The following NIBAN1 variants were observed in gnomAD, a reference collection of about 807,000 sequenced individuals.
NIBAN1 encodes niban apoptosis regulator 1, also known as protein Niban 1.
Under a neutral mutation model 75.1 loss-of-function variants are expected in NIBAN1, and 81 were observed. That is an observed-to-expected ratio of 1.08 (90% CI 0.90 to 1.30). NIBAN1 has a LOEUF of 1.30. NIBAN1 is among the 50% of genes most tolerant of loss of function. The probability of loss-of-function intolerance (pLI) is 0.00; values close to 1 mark genes in which losing one functional copy is unlikely to be tolerated. For missense variants in NIBAN1, 1,133 were observed against 1,128.1 expected (o/e 1.00, Z -0.06); for synonymous variants, 436 against 424.8 (o/e 1.03, Z -0.32).
At chr1:184,879,957 T>G (rs1656334733) in intron 5 of NIBAN1, among the ~76,000 whole-genome samples, 1 of 152,212 alleles carries the variant, frequency 6.6e-6, no homozygotes, top group South Asian at 2.1e-4. Flanking sequence ...TCTATGGGCT[T>G]TTCTTTGATA....
At chr1:184,940,160 C>G (rs1427371992) in intron 1 of NIBAN1, among the ~76,000 whole-genome samples, 2 of 152,060 alleles carry the variant, frequency 1.3e-5, no homozygotes, top group Non-Finnish European at 2.9e-5. Context: ...GGCCAGACAC[C>G]CTGTGCCCTG....
At chr1:184,906,119 T>C (rs1386622807) in intron 1 of NIBAN1, among the ~76,000 whole-genome samples, 1 of 151,102 alleles carries the variant, frequency 6.6e-6, no homozygotes, top group Non-Finnish European at 1.5e-5. Flanking sequence ...TGCACACCTG[T>C]AGTTGCAGCT....
chr1:184,851,911 C>G (rs1240514589), intron 5 of NIBAN1, among the ~76,000 whole-genome samples: 1 of 151,658 alleles, frequency 6.6e-6, no homozygotes, highest in Non-Finnish European at 1.5e-5. Context: ...CAAAATGGTC[C>G]TGGGCAGTTT....
intron 1 of NIBAN1, among the ~76,000 whole-genome samples, chr1:184,925,967 C>T (rs958739854): frequency 1.3e-5 from 2 of 152,134 alleles, no homozygotes; most frequent in Admixed American, 1.3e-4. Context: ...CTCATTAACG[C>T]CCTTTACTTT....
At chr1:184,801,614 T>C (rs1324842971) in intron 12 of NIBAN1, among the ~76,000 whole-genome samples, 2 of 152,098 alleles carry the variant, frequency 1.3e-5, no homozygotes, top group Non-Finnish European at 2.9e-5. Context: ...ATAAGCAGAG[T>C]TTGGCACTTT....
At chr1:184,817,681 G>A (rs966823344) in intron 9 of NIBAN1, among the ~76,000 whole-genome samples, 4 of 152,202 alleles carry the variant, frequency 2.6e-5, no homozygotes, top group African/African-American at 9.7e-5. Context: ...CTTTTGAGAA[G>A]TGGCTGTTCA....
intron 6 of NIBAN1, among the ~76,000 whole-genome samples, chr1:184,824,890 G>T (rs1206439808): frequency 1.3e-5 from 2 of 152,152 alleles, no homozygotes; most frequent in African/African-American, 4.8e-5. Context: ...CTCCCAGGAG[G>T]GGGATTCCTG....
chr1:184,949,653 A>G (rs756143889), intron 1 of NIBAN1, among the ~76,000 whole-genome samples: 33 of 152,172 alleles, frequency 2.2e-4, no homozygotes, highest in Admixed American at 7.9e-4. Context: ...CCAACTAACT[A>G]TAAGTTTAAA....
intron 5 of NIBAN1, among the ~76,000 whole-genome samples, chr1:184,882,043 C>T (rs1044872846): frequency 6.6e-6 from 1 of 152,064 alleles, no homozygotes; most frequent in Non-Finnish European, 1.5e-5. Flanking sequence ...GCCTAGGACC[C>T]GGTTCTCAAC....
chr1:184,955,033 AC>A (rs1658448541), intron 1 of NIBAN1, among the ~76,000 whole-genome samples: 2 of 152,224 alleles, frequency 1.3e-5, no homozygotes, highest in Non-Finnish European at 2.9e-5. Context: ...AAAACTGATT[AC>A]ATTAGTTTTA....
chr1:184,855,612 C>T lies in NIBAN1; in HGVS notation c.602-23650G>A, dbSNP rs557572418. On this transcript the variant is annotated intron_variant, in intron 5 of 13. Transcript: ENST00000367511. ...TTCAACCCCAGCACTCCTGGATCCC[C>T]TTAGTCCACTCTACTATTTTTCCAC... is the stretch of plus-strand genomic sequence containing the variant. Among the ~76,000 whole-genome samples the T allele has an allele frequency of 2.6e-5, 4 of 152,292 alleles. No homozygotes were observed. The South Asian group carries it at 8.3e-4, about 32-fold the overall frequency.
rs1571617438 is a variant in NIBAN1, at chr1:184,974,067, C to T, written c.55+235G>A. On this transcript the variant is annotated intron_variant, in intron 1 of 13. Coordinates refer to ENST00000367511, the MANE Select transcript of NIBAN1 (RefSeq NM_052966.4). ...GGGAGCGGCGAAGGCGCCGGCGTCC[C>T]CACCCGCATCCTGCACCTGCCTCGC... Among the ~76,000 whole-genome samples, 3 of 152,242 alleles carry T rather than the reference C, an allele frequency of 2.0e-5. No individual in the cohort carries two copies. In the South Asian group the frequency reaches 6.2e-4, roughly 32 times the overall value.
At chr1:184,816,536 T>C (rs1004090535) in intron 9 of NIBAN1, among the ~76,000 whole-genome samples, 2 of 152,222 alleles carry the variant, frequency 1.3e-5, no homozygotes, top group African/African-American at 2.4e-5. Context: ...TATTTGGGAC[T>C]AAGCTCATGC....
At chr1:184,955,538 C>A (rs1225283097) in intron 1 of NIBAN1, among the ~76,000 whole-genome samples, 3 of 151,818 alleles carry the variant, frequency 2.0e-5, no homozygotes, top group Non-Finnish European at 4.4e-5. Context: ...GGGGTTTCAC[C>A]ATGTTGGCCA....
intron 12 of NIBAN1, 50 bp downstream of exon 12, chr1:184,803,535 A>G: frequency 6.9e-7 from 1 of 1,455,998 alleles, no homozygotes; most frequent in Non-Finnish European, 9.6e-7. Flanking sequence ...AACTTGTTTG[A>G]ACTTCAGAGG....
intron 1 of NIBAN1, among the ~76,000 whole-genome samples, chr1:184,915,780 A>G (rs1657369629): frequency 6.6e-6 from 1 of 152,180 alleles, no homozygotes; most frequent in Admixed American, 6.5e-5. Context: ...AGAGACAGAG[A>G]CAGAGAGACA....
chr1:184,806,581 T>C (rs1654203824), intron 10 of NIBAN1, among the ~76,000 whole-genome samples: 1 of 152,058 alleles, frequency 6.6e-6, no homozygotes, highest in Admixed American at 6.5e-5. Flanking sequence ...CAGGGTCCAG[T>C]ATTACGAAAG....
chr1:184,916,892 C>T (rs956913623), intron 1 of NIBAN1, among the ~76,000 whole-genome samples: 2 of 152,160 alleles, frequency 1.3e-5, no homozygotes, highest in African/African-American at 4.8e-5. Context: ...AGAACCCCTC[C>T]AAGTTTTACT....
intron 6 of NIBAN1, among the ~76,000 whole-genome samples, chr1:184,824,714 T>C (rs1433993462): frequency 1.3e-5 from 2 of 152,220 alleles, no homozygotes; most frequent in African/African-American, 4.8e-5. Flanking sequence ...TGGAGTTTTA[T>C]AAAAATGTAG....
Sources: allele counts gnomAD v4.1 joint callset (sites outside exome capture counted in the v4.1 genomes callset), GRCh38; gene constraint gnomAD v4.1.1; transcripts MANE v1.5; gene names NCBI Gene and HGNC (gene_info 2026-07-23, HGNC 2026-07-21).